Variants in ULK2 observed in about 807,000 individuals in gnomAD.
The protein encoded by ULK2 is serine/threonine-protein kinase ULK2.
A neutral mutation model predicts 127.5 loss-of-function variants in ULK2; 76 were observed. The observed-to-expected ratio is 0.60, with a 90% CI of 0.50 to 0.72. The LOEUF (loss-of-function observed/expected upper bound fraction) is 0.72. Among genes scored for constraint, ULK2 ranks in the 30% least tolerant of loss-of-function variants. The probability of loss-of-function intolerance (pLI) is 0.00; values close to 1 mark genes in which losing one functional copy is unlikely to be tolerated. For missense variants in ULK2, 1,144 were observed against 1,295.9 expected (o/e 0.88, Z 1.80); for synonymous variants, 452 against 461.9 (o/e 0.98, Z 0.28).
intron 25 of ULK2, among the ~76,000 whole-genome samples, chr17:19,778,374 G>C (rs2086851692): frequency 6.6e-6 from 1 of 152,138 alleles, no homozygotes; most frequent in Non-Finnish European, 1.5e-5. Context: ...AGATGATTAG[G>C]GGAAGCTTCC....
At chr17:19,830,665 C>T (rs541871443) in intron 10 of ULK2, among the ~76,000 whole-genome samples, 4 of 146,162 alleles carry the variant, frequency 2.7e-5, no homozygotes, top group South Asian at 4.4e-4. Flanking sequence ...GAGGAAATAA[C>T]GGGAAAATCC....
chr17:19,797,261 CACTCCAGCCTGG>C, intron 18 of ULK2, 123 bp downstream of exon 18: 2 of 981,224 alleles, frequency 2.0e-6, no homozygotes, highest in Non-Finnish European at 2.8e-6. Context: ...TGTGCCACTG[CACTCCAGCCTGG>C]GCGACAAAGC....
At chr17:19,864,920 T>C in intron 2 of ULK2, 76 bp from the exon 3 acceptor site, 1 of 635,588 alleles carries the variant, frequency 1.6e-6, no homozygotes, top group Non-Finnish European at 2.4e-6. Flanking sequence ...TAAATAAAAT[T>C]AAAGTATACA....
intron 8 of ULK2, 56 bp from the exon 9 acceptor site, chr17:19,841,603 C>A: frequency 1.4e-6 from 2 of 1,385,544 alleles, no homozygotes; most frequent in East Asian, 2.5e-5. Flanking sequence ...ACTTTCAAAT[C>A]ATATGATTGA....
At chr17:19,797,809 A>C in intron 17 of ULK2, 127 bp from the exon 18 acceptor site, 1 of 947,426 alleles carries the variant, frequency 1.1e-6, no homozygotes, top group African/African-American at 1.7e-5. Context: ...AGACATTCTA[A>C]AAGTGATTTA....
chr17:19,826,023 A>AATAAATAAATTC, intron 11 of ULK2, 116 bp downstream of exon 11: 1 of 306,754 alleles, frequency 3.3e-6, no homozygotes, highest in Non-Finnish European at 6.2e-6. Context: ...TAAATAAATA[A>AATAAATAAATTC]ATTCAATGAA....
chr17:19,778,637 T>C (rs1012909809), intron 25 of ULK2, among the ~76,000 whole-genome samples: 2 of 152,228 alleles, frequency 1.3e-5, no homozygotes, highest in East Asian at 1.9e-4. Context: ...TGCATTCTTA[T>C]ATAGATGGGG....
intron 12 of ULK2, among the ~76,000 whole-genome samples, chr17:19,822,863 T>C (rs2041191692): frequency 6.6e-6 from 1 of 152,018 alleles, no homozygotes; most frequent in East Asian, 1.9e-4. Flanking sequence ...ATTTTTTGTA[T>C]TTTCAGTAGA....
intron 20 of ULK2, among the ~76,000 whole-genome samples, chr17:19,791,111 A>C (rs2087143175): frequency 6.6e-6 from 1 of 152,272 alleles, no homozygotes. Flanking sequence ...CAGAAAATCA[A>C]CAAAGAAACA....
intron 3 of ULK2, among the ~76,000 whole-genome samples, chr17:19,858,952 AG>A (rs1277088010): frequency 6.6e-6 from 1 of 152,134 alleles, no homozygotes; most frequent in Non-Finnish European, 1.5e-5. Flanking sequence ...CCTGGGCAAC[AG>A]AGTGAAACTC....
At position 19,817,368 on chromosome 17, in the gene ULK2, A is replaced by T. The variant is rs117443786; in HGVS notation, c.925-448T>A. 2.5e-3 allele frequency among the ~76,000 whole-genome samples: 377 copies of T among 152,352 alleles called. 16 individuals carry two copies. In the East Asian group the frequency reaches 0.061, roughly 24 times the overall value. On this transcript the variant is annotated intron_variant, in intron 12 of 26. Coordinates refer to ENST00000395544, the MANE Select transcript of ULK2 (RefSeq NM_014683.4). ...TTTAAATATATAATGAAGAAAAATT[A>T]TAAGCAGGAAACCAAGAGACCACAT...
At chr17:19,809,456 G>A (rs2087581302) in intron 14 of ULK2, among the ~76,000 whole-genome samples, 1 of 152,086 alleles carries the variant, frequency 6.6e-6, no homozygotes, top group Non-Finnish European at 1.5e-5. Flanking sequence ...TTTCAGGCTG[G>A]GCACAGCGGC....
chr17:19,867,529 A>G lies in ULK2; in HGVS notation c.-112T>C. ...CGCCAGCGTGCGGCGGGTCTGGGGC[A>G]GCCGCAGCCCCGGGCCCGGGCGGAC... On this transcript the variant is annotated 5_prime_UTR_variant, in exon 1 of 27. Transcript: ENST00000395544. 1 of 640,506 alleles carries G rather than the reference A, an allele frequency of 1.6e-6. No individual in the cohort carries two copies. Among genetic ancestry groups the G allele is most frequent in the South Asian group, 6.2e-5 (1 of 16,010 alleles). 39.7% of individuals were successfully genotyped at this position (640,506 alleles called of 1,614,324 possible).
At chr17:19,840,303 A>G in intron 9 of ULK2, 1 of 525,118 alleles carries the variant, frequency 1.9e-6, no homozygotes, top group Non-Finnish European at 3.9e-6. Flanking sequence ...CAGAGGGCTC[A>G]TCGAAGATCC....
At chr17:19,786,485 G>A (rs988719803) in intron 20 of ULK2, among the ~76,000 whole-genome samples, 7 of 152,074 alleles carry the variant, frequency 4.6e-5, no homozygotes, top group African/African-American at 1.7e-4. Flanking sequence ...AGGCCAAGGC[G>A]GGTGGATCAC....
chr17:19,856,710 C>T lies in ULK2; in HGVS notation c.226-6936G>A, dbSNP rs548423600. On this transcript the variant is annotated intron_variant, in intron 3 of 26. Coordinates refer to ENST00000395544, the MANE Select transcript of ULK2 (RefSeq NM_014683.4). ...TTTTACGGCCGGGTGCAGTGGCTCA[C>T]GCCTGGAATCCCAGCACTTTGGGTG... Among the ~76,000 whole-genome samples, 93 of 151,852 alleles carry T rather than the reference C, an allele frequency of 6.1e-4. 1 individual carries two copies. The highest frequency in any genetic ancestry group is 1.8e-3 in the African/African-American group (76 of 41,428).
In ULK2 at chr17:19,867,839, G is replaced by C. The variant is rs1047710629; in HGVS notation, c.-422C>G. ...CTCGGGGCGCTGCTGCGACGGCGACGGCCGCCGCCCTAGAACCCGCACCGC... is the reference window on the plus strand; with the variant it reads ...CTCGGGGCGCTGCTGCGACGGCGACCGCCGCCGCCCTAGAACCCGCACCGC... On this transcript the variant is annotated 5_prime_UTR_variant, in exon 1 of 27. Coordinates refer to ENST00000395544, the MANE Select transcript of ULK2 (RefSeq NM_014683.4). 6.6e-6 allele frequency: 1 copy of C among 150,964 alleles called. No homozygotes were observed. Among genetic ancestry groups the C allele is most frequent in the African/African-American group, 2.4e-5 (1 of 41,294 alleles). The allele number at this position is 150,964 out of a possible 1,614,324, so 9.4% of individuals were successfully genotyped here.
chr17:19,867,523 T>TGGGGCAGCCGCAGCCCCGGGCCC lies in ULK2; in HGVS notation c.-129_-107dup, dbSNP rs2042381571. 1.4e-6 allele frequency: 1 copy of TGGGGCAGCCGCAGCCCCGGGCCC among 732,726 alleles called. No individual in the cohort carries two copies. The highest frequency in any genetic ancestry group is 1.9e-6 in the Non-Finnish European group (1 of 531,276). The allele number at this position is 732,726 out of a possible 1,614,324, so 45.4% of individuals were successfully genotyped here. A position where few individuals can be genotyped will look rare whatever the true frequency, so the allele number is the denominator to read the frequency against. Reference sequence around the variant, plus strand: ...GGAGCGCGCCAGCGTGCGGCGGGTCTGGGGCAGCCGCAGCCCCGGGCCCGG... The same window carrying TGGGGCAGCCGCAGCCCCGGGCCC: ...GGAGCGCGCCAGCGTGCGGCGGGTCTGGGGCAGCCGCAGCCCCGGGCCCGGGGCAGCCGCAGCCCCGGGCCCGG... On this transcript the variant is annotated 5_prime_UTR_variant, in exon 1 of 27. It removes the in-frame stop codon of an upstream open reading frame in the 5' UTR. Coordinates refer to ENST00000395544, the MANE Select transcript of ULK2 (RefSeq NM_014683.4).
chr17:19,853,152 TGAGACA>T (rs2042054314), intron 3 of ULK2, among the ~76,000 whole-genome samples: 1 of 151,054 alleles, frequency 6.6e-6, no homozygotes, highest in African/African-American at 2.4e-5. Context: ...TTTTTTTTTT[TGAGACA>T]AGGTCCCGCT....
Sources: allele counts gnomAD v4.1 joint callset (sites outside exome capture counted in the v4.1 genomes callset), GRCh38; gene constraint gnomAD v4.1.1; transcripts MANE v1.5; gene names NCBI Gene and HGNC (gene_info 2026-07-23, HGNC 2026-07-21).